The following PBX3 variants were observed in gnomAD, a reference collection of about 807,000 sequenced individuals.
The protein encoded by PBX3 is PBX homeobox 3, also known as pre-B-cell leukemia transcription factor 3.
A neutral mutation model predicts 48.5 loss-of-function variants in PBX3; 14 were observed. The observed-to-expected ratio is 0.29, with a 90% confidence interval of 0.19 to 0.45. PBX3 has a LOEUF of 0.45. Among genes scored for constraint, PBX3 ranks in the 20% least tolerant of loss-of-function variants. The pLI is 1.00. For synonymous variants in PBX3, 210 were observed against 200.3 expected, an observed-to-expected ratio of 1.05 and a Z score of -0.41; for missense variants, 386 against 546.7, an observed-to-expected ratio of 0.71 and a Z score of 2.93.
intron 2 of PBX3, among the ~76,000 whole-genome samples, chr9:125,867,470 T>C (rs1840010058): frequency 6.6e-6 from 1 of 151,694 alleles, no homozygotes; most frequent in Non-Finnish European, 1.5e-5. Flanking sequence ...TGAAACCCCA[T>C]CTGTACTAAA....
At chr9:125,751,435 C>T (rs1836372436) in intron 2 of PBX3, among the ~76,000 whole-genome samples, 1 of 152,178 alleles carries the variant, frequency 6.6e-6, no homozygotes, top group African/African-American at 2.4e-5. Context: ...CTGTTTCCCC[C>T]TCTACCATAT....
intron 2 of PBX3, among the ~76,000 whole-genome samples, chr9:125,798,497 C>T (rs568467076): frequency 2.0e-5 from 2 of 100,834 alleles, no homozygotes; most frequent in Admixed American, 1.1e-4. Context: ...CCTCCCATTT[C>T]TTAAAAAAAG....
intron 2 of PBX3, among the ~76,000 whole-genome samples, chr9:125,834,946 G>A (rs1839078513): frequency 7.2e-6 from 1 of 139,206 alleles, no homozygotes; most frequent in East Asian, 2.2e-4. Flanking sequence ...GAATCTGGGA[G>A]GCAGAAGTTG....
chr9:125,949,570 A>G, intron 5 of PBX3: 1 of 1,311,828 alleles, frequency 7.6e-7, no homozygotes, highest in African/African-American at 1.5e-5. Context: ...AATGCATGAG[A>G]TTCATTTTTG....
chr9:125,946,052 C>G (rs983340134), intron 5 of PBX3, among the ~76,000 whole-genome samples: 5 of 152,188 alleles, frequency 3.3e-5, no homozygotes, highest in African/African-American at 9.7e-5. Context: ...GAATTGGTGT[C>G]TAGACCTGCT....
At chr9:125,900,158 A>C (rs909175276) in intron 2 of PBX3, among the ~76,000 whole-genome samples, 2 of 151,376 alleles carry the variant, frequency 1.3e-5, no homozygotes, top group Non-Finnish European at 1.5e-5. Context: ...TATTGTAGAT[A>C]ATTTTTTAAT....
intron 2 of PBX3, among the ~76,000 whole-genome samples, chr9:125,819,551 C>G (rs975374525): frequency 9.2e-5 from 14 of 152,004 alleles, no homozygotes; most frequent in African/African-American, 2.9e-4. Flanking sequence ...AAATTCAATT[C>G]TAGCTATAAT....
At chr9:125,939,218 A>ACT (rs1409708716) in intron 5 of PBX3, among the ~76,000 whole-genome samples, 2 of 152,208 alleles carry the variant, frequency 1.3e-5, no homozygotes, top group African/African-American at 4.8e-5. Flanking sequence ...TATAAGCAAC[A>ACT]GAGGATTAAA....
At chr9:125,899,277 ATG>A (rs1433716367) in intron 2 of PBX3, among the ~76,000 whole-genome samples, 2 of 115,730 alleles carry the variant, frequency 1.7e-5, no homozygotes, top group South Asian at 2.6e-4. Flanking sequence ...AAATATACAT[ATG>A]TATATATATT....
intron 2 of PBX3, among the ~76,000 whole-genome samples, chr9:125,868,762 A>G (rs1840049023): frequency 6.6e-6 from 1 of 152,180 alleles, no homozygotes. Context: ...GGTAATGGAA[A>G]TCGTATTTTC....
chr9:125,966,085 A>G lies in PBX3; in HGVS notation c.*162A>G, dbSNP rs1235421451. ...ATCTGTTTTTTAAGGAATCATAATC[A>G]TTTGTATTTATACTTAAAAACACAC... On this transcript the variant is annotated 3_prime_UTR_variant, in exon 9 of 9. Transcript: ENST00000373489. The G allele has an allele frequency of 2.0e-6, 1 of 502,820 alleles. No individual in the cohort carries two copies. The highest frequency in any genetic ancestry group is 3.6e-6 in the Non-Finnish European group (1 of 281,688). The allele number at this position is 502,820 out of a possible 1,614,324, so 31.1% of individuals were successfully genotyped here.
chr9:125,905,444 C>T (rs1343249116), intron 2 of PBX3, among the ~76,000 whole-genome samples: 1 of 151,988 alleles, frequency 6.6e-6, no homozygotes, highest in Non-Finnish European at 1.5e-5. Flanking sequence ...GAATTTGACT[C>T]ACATTCATTT....
intron 3 of PBX3, among the ~76,000 whole-genome samples, chr9:125,924,934 T>A (rs1045066032): frequency 6.6e-6 from 1 of 152,236 alleles, no homozygotes; most frequent in African/African-American, 2.4e-5. Flanking sequence ...TTTATCATAT[T>A]TGTTTTCAAG....
Position 125,794,300 on chromosome 9 carries a change from C to T in PBX3, c.274+45677C>T, listed in dbSNP as rs1588152573. Among the ~76,000 whole-genome samples, 2 of 152,326 alleles carry T rather than the reference C, an allele frequency of 1.3e-5. 1 individual carries two copies. The highest frequency in any genetic ancestry group is 4.1e-4 in the South Asian group (2 of 4,830). ...AAAACTGAAGATACTCACACCCCAC[C>T]TCAGAACTACTGAATCAGAAATTGT... On this transcript the variant is annotated intron_variant, in intron 2 of 8. Transcript: ENST00000373489.
Position 125,865,451 on chromosome 9 carries a change from T to C in PBX3, c.275-50235T>C, listed in dbSNP as rs551271740. 140 of 159,890 alleles carry C rather than the reference T, an allele frequency of 8.8e-4. No individual in the cohort carries two copies. In the Middle Eastern group the frequency reaches 9.7e-3, roughly 11 times the overall value. 9.9% of individuals were successfully genotyped at this position (159,890 alleles called of 1,614,324 possible). A position where few individuals can be genotyped will look rare whatever the true frequency, so the allele number is the denominator to read the frequency against. Reference sequence around the variant, plus strand: ...TTCTAAATTATAGATTGTGGCCTTATCTGCAGTGCTTCATTAGATAGATGA... The same window carrying C: ...TTCTAAATTATAGATTGTGGCCTTACCTGCAGTGCTTCATTAGATAGATGA... On this transcript the variant is annotated intron_variant, in intron 2 of 8. Transcript: ENST00000373489.
chr9:125,962,971 A>G lies in PBX3; in HGVS notation c.1123-41A>G, dbSNP rs369083383. The G allele has an allele frequency of 1.4e-5, 16 of 1,126,650 alleles. No individual in the cohort carries two copies. The African/African-American group carries it at 2.3e-4, about 16-fold the overall frequency. The allele number at this position is 1,126,650 out of a possible 1,614,324, so 69.8% of individuals were successfully genotyped here. A position where few individuals can be genotyped will look rare whatever the true frequency, so the allele number is the denominator to read the frequency against. ...TCCTTTTGTAAGTGATGACGTTTTA[A>G]TAGATTTGGGATGATGAATTTTGTT... On this transcript the variant is annotated intron_variant, in intron 7 of 8. Transcript: ENST00000373489.
chr9:125,869,224 T>G (rs1364747686), intron 2 of PBX3, among the ~76,000 whole-genome samples: 1 of 152,146 alleles, frequency 6.6e-6, no homozygotes, highest in Non-Finnish European at 1.5e-5. Flanking sequence ...AGAAATTACC[T>G]AGCATACAGT....
chr9:125,940,307 T>C (rs1841932811), intron 5 of PBX3, among the ~76,000 whole-genome samples: 1 of 152,248 alleles, frequency 6.6e-6, no homozygotes, highest in Admixed American at 6.5e-5. Flanking sequence ...TTAATTTAAT[T>C]ATTATGCATT....
intron 2 of PBX3, among the ~76,000 whole-genome samples, chr9:125,866,712 A>G (rs900816238): frequency 9.2e-5 from 14 of 152,212 alleles, no homozygotes; most frequent in African/African-American, 3.1e-4. Flanking sequence ...TTGTTCTAAA[A>G]TGGCAGATGT....
Sources: allele counts gnomAD v4.1 joint callset (sites outside exome capture counted in the v4.1 genomes callset), GRCh38; gene constraint gnomAD v4.1.1; transcripts MANE v1.5; gene names NCBI Gene and HGNC (gene_info 2026-07-23, HGNC 2026-07-21).